LINGO2: variants seen among roughly 807,000 people sequenced by gnomAD.
LINGO2 encodes leucine-rich repeat and immunoglobulin-like domain-containing nogo receptor-interacting protein 2.
In LINGO2, 14 loss-of-function variants were observed where a neutral mutation model predicts 30.6. The observed-to-expected ratio is 0.46, with a 90% confidence interval of 0.30 to 0.72. The LOEUF (loss-of-function observed/expected upper bound fraction) is 0.72. Ranked by LOEUF, LINGO2 falls within the 30% of genes least tolerant of loss-of-function variation. The pLI, the probability that LINGO2 is intolerant of heterozygous loss-of-function variation, is 0.07. For missense variants in LINGO2, 729 were observed against 751.7 expected (o/e 0.97, Z 0.35); for synonymous variants, 317 against 288.5 (o/e 1.10, Z -1.00).
chr9:28,083,024 T>C (rs1825815502), intron 4 of LINGO2, among the ~76,000 whole-genome samples: 1 of 152,180 alleles, frequency 6.6e-6, no homozygotes, highest in South Asian at 2.1e-4. Flanking sequence ...CACCAGTCCA[T>C]GGTCCTGTAA....
the LINGO2 span, among the ~76,000 whole-genome samples, chr9:28,988,455 T>G: frequency 6.6e-6 from 1 of 152,184 alleles, no homozygotes; most frequent in Non-Finnish European, 1.5e-5. Flanking sequence ...AGGCAGCATA[T>G]AGTGGAGTCT....
At chr9:28,554,882 G>A (rs1247676274) in intron 1 of LINGO2, among the ~76,000 whole-genome samples, 1 of 138,602 alleles carries the variant, frequency 7.2e-6, no homozygotes, top group Non-Finnish European at 1.5e-5. Flanking sequence ...TGAACAACCT[G>A]CTCCTGAATG....
At chr9:28,825,704 C>A in the LINGO2 span, among the ~76,000 whole-genome samples, 1 of 152,062 alleles carries the variant, frequency 6.6e-6, no homozygotes, top group Non-Finnish European at 1.5e-5. Flanking sequence ...GGTACACTTT[C>A]CCCTATCTAC....
intron 4 of LINGO2, among the ~76,000 whole-genome samples, chr9:28,028,320 G>A (rs1471742979): frequency 6.6e-6 from 1 of 152,004 alleles, no homozygotes; most frequent in Non-Finnish European, 1.5e-5. Context: ...TTATTTCATC[G>A]ATTCTCATCT....
At chr9:28,486,978 T>G (rs1475436409) in intron 1 of LINGO2, among the ~76,000 whole-genome samples, 1 of 151,876 alleles carries the variant, frequency 6.6e-6, no homozygotes, top group Non-Finnish European at 1.5e-5. Flanking sequence ...GCGGGAGCAG[T>G]TCCAGAGGAA....
intron 4 of LINGO2, among the ~76,000 whole-genome samples, chr9:28,257,250 C>A (rs1822413014): frequency 6.6e-6 from 1 of 151,854 alleles, no homozygotes; most frequent in Admixed American, 6.6e-5. Context: ...ACTTATTCAG[C>A]TCAGTGTAGA....
chr9:29,161,050 G>C, the LINGO2 span, among the ~76,000 whole-genome samples: 2 of 152,236 alleles, frequency 1.3e-5, no homozygotes, highest in African/African-American at 4.8e-5. Context: ...GGACAGAGAG[G>C]AGCCAGGGCA....
intron 5 of LINGO2, among the ~76,000 whole-genome samples, chr9:27,973,531 T>C (rs12341882): frequency 0.31 from 47,708 of 152,044 alleles, 7,647 homozygotes; most frequent in East Asian, 0.34. Flanking sequence ...GCTGTGAAAC[T>C]GAAGCTCTAA....
intron 1 of LINGO2, among the ~76,000 whole-genome samples, chr9:28,548,488 G>C (rs553060967): frequency 7.2e-5 from 11 of 151,850 alleles, no homozygotes; most frequent in Non-Finnish European, 1.6e-4. Flanking sequence ...GGTGGTTCAC[G>C]AGGGCAAGAG....
intron 4 of LINGO2, among the ~76,000 whole-genome samples, chr9:28,206,774 G>A (rs765837360): frequency 1.3e-5 from 2 of 152,140 alleles, no homozygotes; most frequent in African/African-American, 2.4e-5. Flanking sequence ...CCATAAGGAT[G>A]TAATGTAATC....
intron 1 of LINGO2, among the ~76,000 whole-genome samples, chr9:28,565,801 G>T (rs1404941167): frequency 6.6e-6 from 1 of 151,736 alleles, no homozygotes; most frequent in Non-Finnish European, 1.5e-5. Flanking sequence ...TGATCCACCC[G>T]CCTCGGCCTC....
Position 28,076,389 on chromosome 9 carries a change from C to G in LINGO2, c.-86-63984G>C, listed in dbSNP as rs117175732. 1.9e-4 allele frequency among the ~76,000 whole-genome samples: 29 copies of G among 152,180 alleles called. 1 individual carries two copies. The East Asian group carries it at 4.8e-3, about 25-fold the overall frequency. Reference sequence around the variant, plus strand: ...GTTAATCAGTGTCTTTAACTTCCCCCCAAACAGTAAACATATCTGAAAACA... The same window carrying G: ...GTTAATCAGTGTCTTTAACTTCCCCGCAAACAGTAAACATATCTGAAAACA... On this transcript the variant is annotated intron_variant, in intron 4 of 5. Transcript: ENST00000379992.
At chr9:28,038,180 T>A (rs1201568796) in intron 4 of LINGO2, among the ~76,000 whole-genome samples, 1 of 152,136 alleles carries the variant, frequency 6.6e-6, no homozygotes, top group Non-Finnish European at 1.5e-5. Flanking sequence ...AACCCAACAT[T>A]TGTAATGGAT....
chr9:27,949,541 G>T (rs756650483), exon 6 of LINGO2: 2 of 1,614,072 alleles, frequency 1.2e-6, no homozygotes, highest in South Asian at 2.2e-5. Context: ...TAGGTTGCTG[G>T]CCACCAAACT....
At chr9:27,952,029 G>A (rs1310042758) in intron 5 of LINGO2, among the ~76,000 whole-genome samples, 1 of 151,968 alleles carries the variant, frequency 6.6e-6, no homozygotes, top group Non-Finnish European at 1.5e-5. Flanking sequence ...CAATTAGATA[G>A]GAAGAGGTAT....
chr9:28,188,399 A>G (rs1819619759), intron 4 of LINGO2, among the ~76,000 whole-genome samples: 1 of 152,178 alleles, frequency 6.6e-6, no homozygotes, highest in Admixed American at 6.6e-5. Flanking sequence ...GCTCCTATTT[A>G]TTAATGGCCA....
intron 4 of LINGO2, among the ~76,000 whole-genome samples, chr9:28,042,289 A>C (rs1032990272): frequency 6.6e-6 from 1 of 152,186 alleles, no homozygotes; most frequent in African/African-American, 2.4e-5. Flanking sequence ...AATCTCCATG[A>C]CTATCACCCC....
At chr9:28,150,877 G>A (rs1827979872) in intron 4 of LINGO2, among the ~76,000 whole-genome samples, 1 of 152,138 alleles carries the variant, frequency 6.6e-6, no homozygotes, top group East Asian at 1.9e-4. Flanking sequence ...ATCTTAAACA[G>A]GTCAATAATC....
At chr9:28,949,345 T>C in the LINGO2 span, among the ~76,000 whole-genome samples, 2 of 151,676 alleles carry the variant, frequency 1.3e-5, no homozygotes, top group Non-Finnish European at 1.5e-5. Flanking sequence ...ATTAACAAAA[T>C]AGATAGAACA....
Sources: gnomAD v4.1 joint callset for allele counts (sites outside exome capture counted in the v4.1 genomes callset) on GRCh38, gnomAD v4.1.1 for gene constraint, MANE v1.5 for transcripts, NCBI Gene and HGNC (gene_info 2026-07-23, HGNC 2026-07-21) for gene names.